Variants in TAFA5 observed in about 807,000 individuals in gnomAD.
The protein encoded by TAFA5 is chemokine-like protein TAFA-5.
TAFA5 carries 6 observed loss-of-function variants against 15.3 expected under a neutral mutation model. The ratio of observed to expected loss-of-function variants is 0.39; its 90% confidence interval spans 0.21 to 0.77. TAFA5 has a LOEUF of 0.77. Among genes scored for constraint, TAFA5 ranks in the 30% least tolerant of loss-of-function variants. The probability of loss-of-function intolerance (pLI) is 0.41; values close to 1 mark genes in which losing one functional copy is unlikely to be tolerated. For synonymous variants in TAFA5, 103 were observed against 80.7 expected (o/e 1.28, Z -1.48); for missense variants, 161 against 193.1 (o/e 0.83, Z 0.98).
rs1023654337 is a variant in TAFA5, at chr22:48,552,547, C to T, written c.112+62843C>T. ...GTCAGGACATGGAGACTTCACAGCC[C>T]GGCGGAACCCACGCCCATGCCCAGC... On this transcript the variant is annotated intron_variant, in intron 1 of 3. Transcript: ENST00000402357. The surrounding 1 kb of genome is among the most constrained non-coding windows in gnomAD (Gnocchi z 4.1). 4.6e-5 allele frequency among the ~76,000 whole-genome samples: 7 copies of T among 152,054 alleles called. No homozygotes were observed. The South Asian group carries it at 6.2e-4, about 14-fold the overall frequency.
intron 3 of TAFA5, among the ~76,000 whole-genome samples, chr22:48,720,138 G>A (rs143579915): frequency 1.9e-4 from 29 of 152,308 alleles, no homozygotes; most frequent in Non-Finnish European, 3.5e-4. Context: ...GGGGTCTGTC[G>A]CGAAACCCAG....
At chr22:48,688,082 G>GT (rs58754684) in intron 2 of TAFA5, among the ~76,000 whole-genome samples, 14,324 of 146,382 alleles carry the variant, frequency 0.098, 892 homozygotes, top group Admixed American at 0.21. Context: ...GTTTTTTATT[G>GT]TTTTTTTGTG....
At chr22:48,557,315 G>T (rs969906545) in intron 1 of TAFA5, among the ~76,000 whole-genome samples, 1 of 152,172 alleles carries the variant, frequency 6.6e-6, no homozygotes, top group African/African-American at 2.4e-5. Context: ...AGGCACAGAG[G>T]GGCCACCCTG....
Position 48,596,762 on chromosome 22 carries a change from C to T in TAFA5, c.113-49835C>T, listed in dbSNP as rs750417678. 1.4e-4 allele frequency among the ~76,000 whole-genome samples: 21 copies of T among 152,202 alleles called. No individual in the cohort carries two copies. In the Middle Eastern group the frequency reaches 0.014, roughly 99 times the overall value. ...ACCGAGATCGTAGCATACAGAGGGG[C>T]GCCACTGCCCTAGGGCTCCTCTGTG... On this transcript the variant is annotated intron_variant, in intron 1 of 3. Transcript: ENST00000402357.
chr22:48,534,993 T>C (rs1601561376), intron 1 of TAFA5, among the ~76,000 whole-genome samples: 2 of 151,860 alleles, frequency 1.3e-5, no homozygotes, highest in South Asian at 2.1e-4. Context: ...CACTCGTGGG[T>C]CCCCAGCCAG....
rs144879045 is a variant in TAFA5 at position 48,657,333 on chromosome 22, G to GAT, written c.262+10588_262+10589insTA. The stretch of plus-strand genomic sequence containing the variant: ...CAAACTTCCAGAACTAACTCTAGAG[G>GAT]AAACAAACAGTTTGAATAGACCTAT... On this transcript the variant is annotated intron_variant, in intron 2 of 3. Coordinates refer to ENST00000402357, the MANE Select transcript of TAFA5 (RefSeq NM_001082967.3). Among the ~76,000 whole-genome samples, 373 of 152,278 alleles carry GAT rather than the reference G, an allele frequency of 2.4e-3. 9 individuals carry two copies. The East Asian group carries it at 0.057, about 23-fold the overall frequency.
At chr22:48,667,478 A>G (rs181024699) in intron 2 of TAFA5, among the ~76,000 whole-genome samples, 72 of 152,272 alleles carry the variant, frequency 4.7e-4, no homozygotes, top group African/African-American at 1.6e-3. Context: ...CGGTTCTGAC[A>G]TGGGTATTGC....
At chr22:48,512,077 T>C (rs1295596003) in intron 1 of TAFA5, among the ~76,000 whole-genome samples, 1 of 152,134 alleles carries the variant, frequency 6.6e-6, no homozygotes, top group Non-Finnish European at 1.5e-5. Flanking sequence ...CAAGGGGCCC[T>C]CGCCACCCGA....
Position 48,697,404 on chromosome 22 carries a change from G to A in TAFA5, c.263-10313G>A, listed in dbSNP as rs1928748445. Among the ~76,000 whole-genome samples the A allele has an allele frequency of 2.0e-5, 3 of 152,056 alleles. No individual in the cohort carries two copies. The South Asian group carries it at 6.2e-4, about 32-fold the overall frequency. On this transcript the variant is annotated intron_variant, in intron 2 of 3. Transcript: ENST00000402357. Reference sequence around the variant, plus strand: ...GTGGTTGTCATGATGTGATTAGGGTGATGGTGATGATGACAAGGATGAGGA... The same window carrying A: ...GTGGTTGTCATGATGTGATTAGGGTAATGGTGATGATGACAAGGATGAGGA...
At chr22:48,528,319 C>T (rs1921850747) in intron 1 of TAFA5, among the ~76,000 whole-genome samples, 1 of 152,172 alleles carries the variant, frequency 6.6e-6, no homozygotes. Context: ...GAGTCGGTGC[C>T]ACCTGGGTGC....
chr22:48,731,163 A>G (rs1305680166), intron 3 of TAFA5, among the ~76,000 whole-genome samples: 3 of 152,250 alleles, frequency 2.0e-5, no homozygotes, highest in African/African-American at 7.2e-5. Flanking sequence ...AGCCTAATCC[A>G]GAGCAAGCCC....
At chr22:48,600,939 C>T (rs897555157) in intron 1 of TAFA5, among the ~76,000 whole-genome samples, 2 of 152,132 alleles carry the variant, frequency 1.3e-5, no homozygotes, top group Non-Finnish European at 2.9e-5. Flanking sequence ...CCACGTCATT[C>T]CCCCGGCTCC....
intron 2 of TAFA5, among the ~76,000 whole-genome samples, chr22:48,688,414 A>G (rs1239558859): frequency 6.6e-6 from 1 of 152,224 alleles, no homozygotes; most frequent in Admixed American, 6.5e-5. Context: ...TGATTAACAG[A>G]TCAGCACTGA....
At chr22:48,682,674 G>A (rs952764310) in intron 2 of TAFA5, among the ~76,000 whole-genome samples, 19 of 152,130 alleles carry the variant, frequency 1.2e-4, no homozygotes, top group Admixed American at 7.9e-4. Context: ...AGTCATTGTC[G>A]CTGTATTGAC....
intron 1 of TAFA5, among the ~76,000 whole-genome samples, chr22:48,580,819 G>A (rs76866919): frequency 1.2e-3 from 184 of 152,332 alleles, no homozygotes; most frequent in African/African-American, 4.1e-3. Flanking sequence ...CTCAGACTGC[G>A]TGTGGAGGGG....
At chr22:48,749,759 A>C in intron 3 of TAFA5, 80 bp from the exon 4 acceptor site, 1 of 1,498,184 alleles carries the variant, frequency 6.7e-7, no homozygotes, top group South Asian at 1.2e-5. Context: ...GGAGCCGGGG[A>C]GGGAAGAGGA....
rs970873618 is a variant in TAFA5 at position 48,513,211 on chromosome 22, C to T, written c.112+23507C>T. Among the ~76,000 whole-genome samples, 5 of 152,222 alleles carry T rather than the reference C, an allele frequency of 3.3e-5. No individual in the cohort carries two copies. The South Asian group carries it at 1.0e-3, about 31-fold the overall frequency. On this transcript the variant is annotated intron_variant, in intron 1 of 3. Transcript: ENST00000402357. ...CACCGTCTACAGGAAGTCCTCACTC[C>T]GCATTGGTGATAAGAGCTGGAAACT...
chr22:48,514,723 A>G (rs1921344250), intron 1 of TAFA5, among the ~76,000 whole-genome samples: 1 of 152,330 alleles, frequency 6.6e-6, no homozygotes, highest in South Asian at 2.1e-4. Flanking sequence ...AGCACAAAAC[A>G]TAGCTCTGAG....
At chr22:48,643,121 G>A (rs1400128716) in intron 1 of TAFA5, among the ~76,000 whole-genome samples, 1 of 152,186 alleles carries the variant, frequency 6.6e-6, no homozygotes, top group Non-Finnish European at 1.5e-5. Flanking sequence ...GGGCTGAGCT[G>A]GGGGTCGCGA....
Sources: gnomAD v4.1 joint callset for allele counts (sites outside exome capture counted in the v4.1 genomes callset) on GRCh38, gnomAD v4.1.1 for gene constraint, Gnocchi (gnomAD v3.1) non-coding constraint, MANE v1.5 for transcripts, NCBI Gene and HGNC (gene_info 2026-07-23, HGNC 2026-07-21) for gene names.